The following RSRC1 variants were observed in gnomAD, a reference collection of about 807,000 sequenced individuals.
The protein encoded by RSRC1 is serine/Arginine-related protein 53.
In RSRC1, 39 loss-of-function variants were observed where a neutral mutation model predicts 49.1. The ratio of observed to expected loss-of-function variants is 0.79; its 90% CI spans 0.61 to 1.04. The LOEUF is 1.04. RSRC1 is among the 50% of genes least tolerant of loss of function. The probability of loss-of-function intolerance (pLI) is 0.00; values close to 1 mark genes in which losing one functional copy is unlikely to be tolerated. For synonymous variants in RSRC1, 143 were observed against 130.8 expected (o/e 1.09, Z -0.63); for missense variants, 388 against 402.4 (o/e 0.96, Z 0.31).
intron 7 of RSRC1, among the ~76,000 whole-genome samples, chr3:158,487,987 G>T (rs538187151): frequency 3.6e-5 from 4 of 110,134 alleles, no homozygotes; most frequent in Non-Finnish European, 7.5e-5. Context: ...GGCTGAATGG[G>T]TTTCAGTAAC....
At chr3:158,239,189 A>G (rs935290097) in intron 4 of RSRC1, among the ~76,000 whole-genome samples, 9 of 152,156 alleles carry the variant, frequency 5.9e-5, no homozygotes, top group African/African-American at 9.7e-5. Flanking sequence ...TAGAATGGCA[A>G]TCATTAAAAA....
chr3:158,503,711 G>A (rs545658034), intron 7 of RSRC1, among the ~76,000 whole-genome samples: 32 of 151,012 alleles, frequency 2.1e-4, no homozygotes, highest in Non-Finnish European at 3.1e-4. Context: ...CATGCAAACC[G>A]AAGGGCTGGT....
chr3:158,303,306 A>G (rs1305492076), intron 5 of RSRC1: 1 of 152,228 alleles, frequency 6.6e-6, no homozygotes, highest in Non-Finnish European at 1.5e-5. Context: ...GGCTTGAAAG[A>G]AGGACAGCTG....
intron 3 of RSRC1, among the ~76,000 whole-genome samples, chr3:158,146,537 T>G (rs1476397974): frequency 6.6e-6 from 1 of 152,178 alleles, no homozygotes; most frequent in Non-Finnish European, 1.5e-5. Context: ...TTGCCAGTAT[T>G]TTATTGAGGA....
At chr3:158,135,526 C>T (rs1420692119) in intron 3 of RSRC1, among the ~76,000 whole-genome samples, 4 of 151,730 alleles carry the variant, frequency 2.6e-5, no homozygotes, top group Admixed American at 6.6e-5. Flanking sequence ...GTGATCTACA[C>T]GCCTAGGCCT....
intron 5 of RSRC1, among the ~76,000 whole-genome samples, chr3:158,326,966 A>C (rs1276835889): frequency 6.6e-6 from 1 of 152,156 alleles, no homozygotes; most frequent in African/African-American, 2.4e-5. Flanking sequence ...GGGAGGGTGT[A>C]TGTGTCCAGA....
intron 4 of RSRC1, chr3:158,276,325 G>T: frequency 1.3e-6 from 1 of 765,110 alleles, no homozygotes. Context: ...AGAGCAGAGA[G>T]CTGGCGGTAC....
intron 4 of RSRC1, among the ~76,000 whole-genome samples, chr3:158,268,201 T>C (rs147565947): frequency 1.4e-3 from 220 of 152,324 alleles, no homozygotes; most frequent in Middle Eastern, 3.4e-3. Flanking sequence ...TGTCCTCAGA[T>C]ACTTCAAGTT....
chr3:158,322,999 G>A (rs1431560072), intron 5 of RSRC1, among the ~76,000 whole-genome samples: 1 of 151,916 alleles, frequency 6.6e-6, no homozygotes, highest in South Asian at 2.1e-4. Context: ...TTAATTTGGA[G>A]TTTCTATTGA....
At chr3:158,314,526 A>G (rs1233754214) in intron 5 of RSRC1, among the ~76,000 whole-genome samples, 6 of 152,190 alleles carry the variant, frequency 3.9e-5, no homozygotes, top group Middle Eastern at 3.2e-3. Context: ...TGCTGGATTT[A>G]GCAGGTGTCA....
At chr3:158,484,771 C>T (rs540393662) in intron 7 of RSRC1, among the ~76,000 whole-genome samples, 7 of 152,024 alleles carry the variant, frequency 4.6e-5, no homozygotes, top group South Asian at 4.1e-4. Flanking sequence ...AAAGAGAGAC[C>T]TAATTGTGGT....
At chr3:158,468,460 G>A (rs1242092308) in intron 7 of RSRC1, among the ~76,000 whole-genome samples, 1 of 152,044 alleles carries the variant, frequency 6.6e-6, no homozygotes, top group East Asian at 1.9e-4. Flanking sequence ...TCTCAAAATC[G>A]TTCGATTCAG....
intron 6 of RSRC1, among the ~76,000 whole-genome samples, chr3:158,446,116 C>T (rs550528042): frequency 1.3e-5 from 2 of 152,090 alleles, no homozygotes; most frequent in South Asian, 4.1e-4. Context: ...ATGATTAATA[C>T]TAAGCCAGGA....
rs1729545451 is a variant in RSRC1, at chr3:158,331,536, G to T, written c.532-23321G>T. ...ATTTTTATGTAGTCAAATCTGTTGGGTTTTTTTCTTTATGATTTCTTCTGT... is the reference window on the plus strand; with the variant it reads ...ATTTTTATGTAGTCAAATCTGTTGGTTTTTTTTCTTTATGATTTCTTCTGT... On this transcript the variant is annotated intron_variant, in intron 5 of 9. Coordinates refer to ENST00000611884, the MANE Select transcript of RSRC1 (RefSeq NM_001271838.2). 2.0e-5 allele frequency among the ~76,000 whole-genome samples: 3 copies of T among 151,800 alleles called. No individual in the cohort carries two copies. In the South Asian group the frequency reaches 6.2e-4, roughly 32 times the overall value.
intron 4 of RSRC1, chr3:158,276,294 A>C: frequency 1.3e-6 from 1 of 762,668 alleles, no homozygotes; most frequent in Non-Finnish European, 2.4e-6. Context: ...ATCAGGCCAG[A>C]TGGGGTGGGG....
At chr3:158,198,750 G>A (rs1021882994) in intron 3 of RSRC1, among the ~76,000 whole-genome samples, 4 of 152,132 alleles carry the variant, frequency 2.6e-5, no homozygotes, top group East Asian at 1.9e-4. Context: ...CATCTTCTGC[G>A]TCACTCATGC....
At chr3:158,258,854 A>G (rs1038814345) in intron 4 of RSRC1, among the ~76,000 whole-genome samples, 5 of 152,020 alleles carry the variant, frequency 3.3e-5, no homozygotes, top group Non-Finnish European at 5.9e-5. Flanking sequence ...ATTTCTCAGT[A>G]TGTCAGTTTC....
intron 7 of RSRC1, among the ~76,000 whole-genome samples, chr3:158,528,543 G>C (rs1042953174): frequency 3.9e-5 from 6 of 151,908 alleles, no homozygotes; most frequent in African/African-American, 1.4e-4. Context: ...CAGGCGAGTT[G>C]TGTGTGGTTA....
intron 7 of RSRC1, 95 bp from the exon 8 acceptor site, chr3:158,536,997 C>G (rs557775459): frequency 1.4e-6 from 1 of 736,986 alleles, no homozygotes; most frequent in Non-Finnish European, 2.3e-6. Flanking sequence ...GTCTTTTTAT[C>G]CAATTAAATT....
Sources: allele counts gnomAD v4.1 joint callset (sites outside exome capture counted in the v4.1 genomes callset), GRCh38; gene constraint gnomAD v4.1.1; transcripts MANE v1.5; gene names NCBI Gene and HGNC (gene_info 2026-07-23, HGNC 2026-07-21).